The following DRC11 variants were observed in gnomAD, a reference collection of about 807,000 sequenced individuals.
DRC11 encodes the protein dynein regulatory complex subunit 11.
chr2:236,316,369 G>T, the DRC11 span, among the ~76,000 whole-genome samples: 2 of 152,234 alleles, frequency 1.3e-5, no homozygotes, highest in South Asian at 2.1e-4. This position sits in a 1 kb window ranked among gnomAD's most constrained non-coding sequence, Gnocchi z 6.8. Context: ...CACCATGTTG[G>T]TCAGGCTGCC....
the DRC11 span, among the ~76,000 whole-genome samples, chr2:236,412,069 A>T: frequency 6.6e-6 from 1 of 151,464 alleles, no homozygotes; most frequent in Non-Finnish European, 1.5e-5. Flanking sequence ...AGAAAAAAAA[A>T]TTGTTTGTAG....
chr2:236,453,346 T>A, the DRC11 span, among the ~76,000 whole-genome samples: 1 of 152,316 alleles, frequency 6.6e-6, no homozygotes, highest in South Asian at 2.1e-4. This position sits in a 1 kb window ranked among gnomAD's most constrained non-coding sequence, Gnocchi z 4.9. Flanking sequence ...CCAGCCTTAT[T>A]TGATCAAGTG....
chr2:236,353,870 G>C, the DRC11 span, among the ~76,000 whole-genome samples: 1 of 151,920 alleles, frequency 6.6e-6, no homozygotes, highest in Admixed American at 6.6e-5. This position sits in a 1 kb window ranked among gnomAD's most constrained non-coding sequence, Gnocchi z 5.0. Context: ...CCCATACTGT[G>C]GTCACTTGGA....
chr2:236,355,219 C>T, the DRC11 span, among the ~76,000 whole-genome samples: 2 of 152,158 alleles, frequency 1.3e-5, no homozygotes, highest in Admixed American at 1.3e-4. Context: ...TTGATGGACT[C>T]TGGGCGCTAG....
the DRC11 span, among the ~76,000 whole-genome samples, chr2:236,357,996 G>A: frequency 1.1e-4 from 12 of 109,542 alleles, no homozygotes; most frequent in Non-Finnish European, 1.9e-4. Flanking sequence ...AAATATATAT[G>A]AATATATATT....
chr2:236,449,052 G>T, the DRC11 span, among the ~76,000 whole-genome samples: 2 of 151,766 alleles, frequency 1.3e-5, no homozygotes, highest in African/African-American at 4.8e-5. This position sits in a 1 kb window ranked among gnomAD's most constrained non-coding sequence, Gnocchi z 5.1. Flanking sequence ...TAGAGATGGG[G>T]TTTCACCATG....
the DRC11 span, among the ~76,000 whole-genome samples, chr2:236,505,810 C>T: frequency 6.6e-6 from 1 of 152,180 alleles, no homozygotes; most frequent in African/African-American, 2.4e-5. Context: ...ACTTCTCCCT[C>T]CTCCTCCTAT....
At chr2:236,392,605 A>G in the DRC11 span, among the ~76,000 whole-genome samples, 6 of 152,330 alleles carry the variant, frequency 3.9e-5, no homozygotes, top group South Asian at 2.1e-4. This position sits in a 1 kb window ranked among gnomAD's most constrained non-coding sequence, Gnocchi z 5.1. Flanking sequence ...AGTTTACTCA[A>G]TATTTTTTAA....
the DRC11 span, among the ~76,000 whole-genome samples, chr2:236,464,643 C>T: frequency 2.0e-5 from 3 of 152,136 alleles, no homozygotes; most frequent in South Asian, 6.2e-4. Flanking sequence ...CCTATCTACC[C>T]ATCTGATAAA....
the DRC11 span, among the ~76,000 whole-genome samples, chr2:236,358,678 C>T: frequency 0.11 from 14,642 of 132,140 alleles, 1,120 homozygotes; most frequent in Non-Finnish European, 0.16. Flanking sequence ...TTTACACATA[C>T]TTTCTCTTTT....
At chr2:236,379,258 A>C in the DRC11 span, among the ~76,000 whole-genome samples, 1 of 151,726 alleles carries the variant, frequency 6.6e-6, no homozygotes. Context: ...AGCGGAGGGA[A>C]CCCCCAAACA....
At chr2:236,501,368 C>T in the DRC11 span, among the ~76,000 whole-genome samples, 1 of 152,092 alleles carries the variant, frequency 6.6e-6, no homozygotes, top group Non-Finnish European at 1.5e-5. Flanking sequence ...CACATTGACT[C>T]CTGGCAGAAT....
At chr2:236,390,376 C>T in the DRC11 span, among the ~76,000 whole-genome samples, 1 of 152,190 alleles carries the variant, frequency 6.6e-6, no homozygotes, top group Non-Finnish European at 1.5e-5. The surrounding 1 kb of genome is among the most constrained non-coding windows in gnomAD (Gnocchi z 5.9). Context: ...AAATGAATCA[C>T]ATGTATATAG....
chr2:236,468,426 C>A, the DRC11 span, among the ~76,000 whole-genome samples: 2,375 of 152,080 alleles, frequency 0.016, 72 homozygotes, highest in African/African-American at 0.052. Flanking sequence ...TAGAAAAAAA[C>A]CCCTAAAAAT....
chr2:236,501,777 G>A, the DRC11 span, among the ~76,000 whole-genome samples: 1 of 152,036 alleles, frequency 6.6e-6, no homozygotes, highest in African/African-American at 2.4e-5. Flanking sequence ...TAGGATTTGG[G>A]GCCCAAACCT....
the DRC11 span, among the ~76,000 whole-genome samples, chr2:236,411,480 C>T: frequency 2.6e-5 from 4 of 152,038 alleles, no homozygotes; most frequent in Non-Finnish European, 5.9e-5. Context: ...TTGTGGAAGT[C>T]AGTGTGGCAA....
the DRC11 span, among the ~76,000 whole-genome samples, chr2:236,334,295 G>C: frequency 6.6e-6 from 1 of 152,226 alleles, no homozygotes; most frequent in Non-Finnish European, 1.5e-5. The surrounding 1 kb of genome is among the most constrained non-coding windows in gnomAD (Gnocchi z 7.8). Context: ...GGCCCACGGT[G>C]GTGTCAGGTG....
the DRC11 span, chr2:236,507,449 G>T: frequency 1.6e-6 from 1 of 639,346 alleles, no homozygotes; most frequent in South Asian, 1.9e-5. Context: ...AGGTGAGGCC[G>T]GGTTTGCTTC....
chr2:236,408,882 T>C, the DRC11 span: 5 of 654,860 alleles, frequency 7.6e-6, no homozygotes, highest in African/African-American at 7.3e-5. The surrounding 1 kb of genome is among the most constrained non-coding windows in gnomAD (Gnocchi z 5.5). Flanking sequence ...CTTGTTCACG[T>C]TGGATCCTAG....
Sources: gnomAD v4.1 joint callset for allele counts (sites outside exome capture counted in the v4.1 genomes callset) on GRCh38, gnomAD v4.1.1 for gene constraint, Gnocchi (gnomAD v3.1) non-coding constraint, MANE v1.5 for transcripts, NCBI Gene and HGNC (gene_info 2026-07-23, HGNC 2026-07-21) for gene names.